The following CSMD1 variants were observed in gnomAD, a reference collection of about 807,000 sequenced individuals.
CSMD1 encodes the protein CUB and sushi domain-containing protein 1.
CSMD1 carries 213 observed loss-of-function variants against 417.5 expected under a neutral mutation model. That is an observed-to-expected ratio of 0.51 (90% confidence interval 0.46 to 0.57). The LOEUF is 0.57. CSMD1 is among the 20% of genes least tolerant of loss of function. The pLI is 0.00. For synonymous variants in CSMD1, 2,862 were observed against 1,736.8 expected, an observed-to-expected ratio of 1.65 and a Z score of -16.11; for missense variants, 6,923 against 4,529.7, an observed-to-expected ratio of 1.53 and a Z score of -15.17.
At chr8:3,190,262 T>A (rs1016835251) in intron 33 of CSMD1, 147 bp from the exon 34 acceptor site, 13 of 530,080 alleles carry the variant, frequency 2.5e-5, no homozygotes, top group African/African-American at 1.6e-4. Flanking sequence ...TAGAGAATGA[T>A]TTGAGGCGCT....
chr8:3,239,715 C>G (rs1227541298), intron 26 of CSMD1, among the ~76,000 whole-genome samples: 1 of 152,174 alleles, frequency 6.6e-6, no homozygotes, highest in Non-Finnish European at 1.5e-5. Context: ...CATAGCCTGC[C>G]TTTGCTGGCG....
intron 5 of CSMD1, among the ~76,000 whole-genome samples, chr8:3,988,999 TA>T (rs1814541261): frequency 6.6e-6 from 1 of 152,210 alleles, no homozygotes; most frequent in South Asian, 2.1e-4. Flanking sequence ...TAGATACAGG[TA>T]AAAACCATTG....
intron 3 of CSMD1, among the ~76,000 whole-genome samples, chr8:4,137,570 T>G (rs1434491505): frequency 1.5e-5 from 2 of 131,788 alleles, no homozygotes; most frequent in Non-Finnish European, 3.5e-5. Flanking sequence ...GTTACAAGAT[T>G]TGATGTTAAT....
intron 5 of CSMD1, among the ~76,000 whole-genome samples, chr8:3,927,526 G>A (rs1446706488): frequency 2.7e-5 from 4 of 150,064 alleles, no homozygotes; most frequent in East Asian, 1.9e-4. Context: ...TTAGCCAGCC[G>A]TGGTGGTGCA....
rs144990756 is a variant in CSMD1, at chr8:3,927,223, C to G, written c.818+70680G>C. On this transcript the variant is annotated intron_variant, in intron 5 of 69. Coordinates refer to ENST00000635120, the MANE Select transcript of CSMD1 (RefSeq NM_033225.6). ...ACAGCTTCTAATAAATAAATGCTAA[C>G]CTTCTTTATATTATTCCAACAATTA... Among the ~76,000 whole-genome samples the G allele has an allele frequency of 5.9e-3, 891 of 151,944 alleles. 11 individuals carry two copies. The highest frequency in any genetic ancestry group is 0.021 in the African/African-American group (855 of 41,482).
chr8:3,480,308 G>C (rs1243761149), intron 11 of CSMD1, among the ~76,000 whole-genome samples: 1 of 152,166 alleles, frequency 6.6e-6, no homozygotes, highest in Admixed American at 6.5e-5. Context: ...GATGCATTGA[G>C]CACAGATCGT....
intron 2 of CSMD1, among the ~76,000 whole-genome samples, chr8:4,452,025 T>C (rs1463024734): frequency 6.6e-6 from 1 of 151,586 alleles, no homozygotes; most frequent in African/African-American, 2.4e-5. Context: ...TTAGGCAGCC[T>C]GCCTTCTCAC....
chr8:4,726,846 C>G (rs1809492166), intron 1 of CSMD1, among the ~76,000 whole-genome samples: 1 of 151,980 alleles, frequency 6.6e-6, no homozygotes, highest in Non-Finnish European at 1.5e-5. Context: ...TGCAAATGAC[C>G]TGAAAAGCTG....
At chr8:3,903,073 C>T (rs758866326) in intron 5 of CSMD1, among the ~76,000 whole-genome samples, 1 of 152,136 alleles carries the variant, frequency 6.6e-6, no homozygotes, top group African/African-American at 2.4e-5. Context: ...TAACTGCCTG[C>T]TGTCTGTATT....
intron 6 of CSMD1, among the ~76,000 whole-genome samples, chr8:3,746,061 G>T (rs767063145): frequency 6.6e-6 from 1 of 151,570 alleles, no homozygotes; most frequent in South Asian, 2.1e-4. Flanking sequence ...ACCTACAAGA[G>T]GTACACACGG....
intron 36 of CSMD1, among the ~76,000 whole-genome samples, chr8:3,185,329 T>C (rs572686048): frequency 3.3e-5 from 5 of 152,348 alleles, no homozygotes; most frequent in Admixed American, 1.3e-4. Flanking sequence ...TTGTTGTTAT[T>C]TTTCATGCAT....
chr8:4,528,676 C>G (rs1416969525), intron 2 of CSMD1, among the ~76,000 whole-genome samples: 1 of 152,052 alleles, frequency 6.6e-6, no homozygotes, highest in Non-Finnish European at 1.5e-5. Context: ...GTGTACACCC[C>G]ACAAACTCTC....
chr8:4,589,410 G>A (rs1266384591), intron 2 of CSMD1, among the ~76,000 whole-genome samples: 1 of 152,052 alleles, frequency 6.6e-6, no homozygotes, highest in Non-Finnish European at 1.5e-5. Context: ...TGATAGTAAG[G>A]AATAGACTAT....
intron 46 of CSMD1, among the ~76,000 whole-genome samples, chr8:3,103,015 C>G (rs922267027): frequency 6.6e-6 from 1 of 152,122 alleles, no homozygotes; most frequent in Non-Finnish European, 1.5e-5. Flanking sequence ...GGAGACAAAA[C>G]AAGACTAATC....
intron 3 of CSMD1, among the ~76,000 whole-genome samples, chr8:4,197,602 G>C (rs1012370827): frequency 1.3e-5 from 2 of 152,150 alleles, no homozygotes; most frequent in Admixed American, 1.3e-4. Context: ...CTTCCAGCTG[G>C]ACATGGTGGC....
intron 3 of CSMD1, among the ~76,000 whole-genome samples, chr8:4,416,959 G>C (rs11985089): frequency 0.18 from 27,868 of 151,924 alleles, 2,604 homozygotes; most frequent in East Asian, 0.24. Flanking sequence ...AATAGTTTCT[G>C]TTATTAATTT....
At chr8:3,616,204 C>G (rs1242932163) in intron 8 of CSMD1, among the ~76,000 whole-genome samples, 1 of 152,168 alleles carries the variant, frequency 6.6e-6, no homozygotes, top group Non-Finnish European at 1.5e-5. Flanking sequence ...TCCATAATCT[C>G]CACATGTCAT....
chr8:3,335,035 T>C (rs977686033), intron 23 of CSMD1, among the ~76,000 whole-genome samples: 2 of 152,218 alleles, frequency 1.3e-5, no homozygotes, highest in South Asian at 2.1e-4. Flanking sequence ...CTCTTAAACA[T>C]TTCTGATACA....
At chr8:3,349,436 G>A (rs1374419166) in intron 21 of CSMD1, among the ~76,000 whole-genome samples, 1 of 152,076 alleles carries the variant, frequency 6.6e-6, no homozygotes, top group Admixed American at 6.6e-5. Context: ...GTGGAAGGGT[G>A]TGAGGAGAAA....
Sources: allele counts gnomAD v4.1 joint callset (sites outside exome capture counted in the v4.1 genomes callset), GRCh38; gene constraint gnomAD v4.1.1; transcripts MANE v1.5; gene names NCBI Gene and HGNC (gene_info 2026-07-23, HGNC 2026-07-21).